Variants in MAML2 observed in about 807,000 individuals in gnomAD.
The protein encoded by MAML2 is mastermind like transcriptional coactivator 2, also known as mastermind-like protein 2.
Under a neutral mutation model 96.1 loss-of-function variants are expected in MAML2, and 22 were observed. That is an observed-to-expected ratio of 0.23 (90% CI 0.16 to 0.33). The LOEUF (loss-of-function observed/expected upper bound fraction) is 0.33. MAML2 is among the 10% of genes least tolerant of loss of function. The pLI is 1.00. For missense variants in MAML2, 1,367 were observed against 1,392.4 expected (o/e 0.98, Z 0.29); for synonymous variants, 561 against 521.3 (o/e 1.08, Z -1.04).
intron 1 of MAML2, among the ~76,000 whole-genome samples, chr11:96,094,699 T>C (rs576242379): frequency 2.6e-5 from 4 of 152,336 alleles, no homozygotes; most frequent in African/African-American, 7.2e-5. Context: ...CATATCCTTG[T>C]TGATTTGTCT....
chr11:96,046,879 C>T (rs1482751715), intron 2 of MAML2, among the ~76,000 whole-genome samples: 27 of 152,164 alleles, frequency 1.8e-4, no homozygotes, highest in Admixed American at 1.7e-3. Flanking sequence ...CCTTCAGAGG[C>T]CTACACTAAA....
chr11:96,002,368 G>A (rs938781175), intron 2 of MAML2, among the ~76,000 whole-genome samples: 8 of 152,230 alleles, frequency 5.3e-5, no homozygotes, highest in African/African-American at 1.7e-4. Flanking sequence ...GAAAACCAAA[G>A]TGGGGGAGAA....
intron 2 of MAML2, among the ~76,000 whole-genome samples, chr11:96,016,014 T>C (rs886390521): frequency 6.6e-6 from 1 of 152,156 alleles, no homozygotes; most frequent in South Asian, 2.1e-4. Context: ...GGAATGTACA[T>C]AAAAGACGTA....
chr11:96,105,248 C>T (rs1195582049), intron 1 of MAML2, among the ~76,000 whole-genome samples: 3 of 152,180 alleles, frequency 2.0e-5, no homozygotes, highest in East Asian at 1.9e-4. Context: ...TGAGAGGTGC[C>T]GTTCCATGAC....
At chr11:96,003,192 T>A (rs1482443753) in intron 2 of MAML2, among the ~76,000 whole-genome samples, 4 of 151,668 alleles carry the variant, frequency 2.6e-5, no homozygotes, top group African/African-American at 9.7e-5. Flanking sequence ...ATGGGGATGA[T>A]GATAAGGATG....
chr11:96,169,949 G>A (rs71475381), intron 1 of MAML2, among the ~76,000 whole-genome samples: 14,058 of 152,270 alleles, frequency 0.092, 715 homozygotes, highest in African/African-American at 0.1. Flanking sequence ...CACCGTGCCC[G>A]ACCAGTAAAA....
intron 2 of MAML2, among the ~76,000 whole-genome samples, chr11:96,064,860 A>C (rs556056675): frequency 1.3e-5 from 2 of 152,346 alleles, no homozygotes; most frequent in African/African-American, 4.8e-5. Context: ...TAATCTTGGA[A>C]ACAACTGATT....
chr11:96,070,457 G>A (rs1031407722), intron 2 of MAML2, among the ~76,000 whole-genome samples: 1 of 152,242 alleles, frequency 6.6e-6, no homozygotes. Flanking sequence ...TCCCTCTTTG[G>A]GGTCCTGCGG....
chr11:96,122,166 C>A (rs1860358991), intron 1 of MAML2, among the ~76,000 whole-genome samples: 1 of 151,844 alleles, frequency 6.6e-6, no homozygotes, highest in Non-Finnish European at 1.5e-5. Context: ...TTAACTACTG[C>A]CCTGGGGCGA....
chr11:96,135,118 C>T (rs184545318), intron 1 of MAML2, among the ~76,000 whole-genome samples: 2 of 152,308 alleles, frequency 1.3e-5, no homozygotes, highest in South Asian at 2.1e-4. Context: ...GCACAGTCCT[C>T]ATGAATGAGT....
chr11:96,310,108 A>G (rs1373577742), intron 1 of MAML2, among the ~76,000 whole-genome samples: 7 of 152,226 alleles, frequency 4.6e-5, no homozygotes, highest in Non-Finnish European at 7.3e-5. Context: ...TTTGGAGCCA[A>G]GAAATCAGTT....
chr11:96,037,763 G>C (rs1419272123), intron 2 of MAML2, among the ~76,000 whole-genome samples: 1 of 152,226 alleles, frequency 6.6e-6, no homozygotes, highest in Non-Finnish European at 1.5e-5. Context: ...TCACCAGCCA[G>C]GAGCTCTCGC....
intron 1 of MAML2, among the ~76,000 whole-genome samples, chr11:96,114,850 C>T (rs1860206656): frequency 6.6e-6 from 1 of 152,192 alleles, no homozygotes; most frequent in African/African-American, 2.4e-5. Flanking sequence ...GCCAAGAACT[C>T]TGATCCCAAT....
chr11:96,193,524 T>A (rs1307588779), intron 1 of MAML2, among the ~76,000 whole-genome samples: 1 of 152,204 alleles, frequency 6.6e-6, no homozygotes, highest in Non-Finnish European at 1.5e-5. Flanking sequence ...AGCTATCCTA[T>A]CTGTATAACA....
At chr11:96,140,530 T>A (rs1860713801) in intron 1 of MAML2, among the ~76,000 whole-genome samples, 1 of 152,158 alleles carries the variant, frequency 6.6e-6, no homozygotes, top group Admixed American at 6.6e-5. Flanking sequence ...GAGCAAACCA[T>A]AAGAAGCTAC....
intron 1 of MAML2, among the ~76,000 whole-genome samples, chr11:96,336,581 T>C (rs1470604136): frequency 1.3e-5 from 2 of 152,216 alleles, no homozygotes; most frequent in African/African-American, 2.4e-5. Context: ...CATAAACATA[T>C]ATAAGGGTCT....
chr11:96,130,624 A>G (rs572090201), intron 1 of MAML2, among the ~76,000 whole-genome samples: 1 of 152,340 alleles, frequency 6.6e-6, no homozygotes, highest in South Asian at 2.1e-4. Flanking sequence ...TCTTACACTC[A>G]AGGCTTGAGA....
chr11:95,997,167 C>G (rs1021320019), intron 2 of MAML2, among the ~76,000 whole-genome samples: 21 of 152,096 alleles, frequency 1.4e-4, no homozygotes, highest in African/African-American at 4.8e-4. Context: ...TTTTTACCTA[C>G]AAAATTACAG....
chr11:96,295,536 T>C (rs1863282202), intron 1 of MAML2, among the ~76,000 whole-genome samples: 1 of 152,146 alleles, frequency 6.6e-6, no homozygotes, highest in Non-Finnish European at 1.5e-5. Flanking sequence ...GAATGTTTCA[T>C]CCCAAGACCC....
Sources: allele counts gnomAD v4.1 joint callset (sites outside exome capture counted in the v4.1 genomes callset), GRCh38; gene constraint gnomAD v4.1.1; transcripts MANE v1.5; gene names NCBI Gene and HGNC (gene_info 2026-07-23, HGNC 2026-07-21).